The following PCDH15 variants were observed in gnomAD, a reference collection of about 807,000 sequenced individuals.
PCDH15 encodes protocadherin related 15.
A neutral mutation model predicts 178.5 loss-of-function variants in PCDH15; 129 were observed. That is an observed-to-expected ratio of 0.72 (90% CI 0.63 to 0.84). PCDH15 has a LOEUF of 0.84. Among genes scored for constraint, PCDH15 ranks in the 40% least tolerant of loss-of-function variants. The pLI is 0.00. For synonymous variants in PCDH15, 800 were observed against 732.0 expected (o/e 1.09, Z -1.50); for missense variants, 2,230 against 2,099.9 (o/e 1.06, Z -1.21).
chr10:54,238,947 G>A (rs1225126686), intron 8 of PCDH15, among the ~76,000 whole-genome samples: 2 of 151,984 alleles, frequency 1.3e-5, no homozygotes, highest in African/African-American at 4.8e-5. Flanking sequence ...TTCCAAAACC[G>A]AGGCTCTATT....
chr10:54,386,513 C>T (rs778036755), intron 3 of PCDH15, among the ~76,000 whole-genome samples: 1 of 151,968 alleles, frequency 6.6e-6, no homozygotes, highest in Non-Finnish European at 1.5e-5. Context: ...AAATATTAAT[C>T]AGAGAACCAC....
intron 2 of PCDH15, among the ~76,000 whole-genome samples, chr10:55,418,886 G>A (rs550558497): frequency 2.0e-5 from 3 of 151,786 alleles, no homozygotes; most frequent in African/African-American, 7.2e-5. Flanking sequence ...ATAAAGTTTA[G>A]CCCTGTAGAT....
intron 2 of PCDH15, among the ~76,000 whole-genome samples, chr10:54,930,712 A>G (rs1299652210): frequency 6.6e-6 from 1 of 152,174 alleles, no homozygotes; most frequent in African/African-American, 2.4e-5. Flanking sequence ...TATTAACATG[A>G]TACTAACTTT....
In PCDH15 at chr10:53,823,747, C is replaced by T. The variant is rs189393618; in HGVS notation, c.4368-3517G>A. On this transcript the variant is annotated intron_variant, in intron 32 of 37. Transcript: ENST00000644397. ...AACACCATCCTTGCCTGAGGATGCTCAGGGCTGCCTGTTACGCATAGAAGA... is the reference window on the plus strand; with the variant it reads ...AACACCATCCTTGCCTGAGGATGCTTAGGGCTGCCTGTTACGCATAGAAGA... 1.7e-4 allele frequency: 77 copies of T among 445,446 alleles called. No individual in the cohort carries two copies. In the African/African-American group the frequency reaches 1.8e-3, roughly 11 times the overall value. 27.6% of individuals were successfully genotyped at this position (445,446 alleles called of 1,614,324 possible).
chr10:54,443,266 TA>T (rs1169575265), intron 3 of PCDH15, among the ~76,000 whole-genome samples: 1 of 151,608 alleles, frequency 6.6e-6, no homozygotes, highest in Non-Finnish European at 1.5e-5. Flanking sequence ...TTACATGAAA[TA>T]CATAGATTGG....
intron 2 of PCDH15, among the ~76,000 whole-genome samples, chr10:55,580,360 A>T (rs1213125892): frequency 2.4e-3 from 314 of 131,552 alleles, no homozygotes; most frequent in Non-Finnish European, 3.6e-3. Context: ...TTATTTTTTT[A>T]TTTTTTTTTT....
At chr10:54,927,753 G>T (rs77206234) in intron 2 of PCDH15, among the ~76,000 whole-genome samples, 4,013 of 152,006 alleles carry the variant, frequency 0.026, 171 homozygotes, top group African/African-American at 0.089. Flanking sequence ...ATTTAGGATT[G>T]AAACCTTATC....
chr10:54,353,651 GTTTT>G (rs35280504), intron 5 of PCDH15, among the ~76,000 whole-genome samples: 1 of 151,264 alleles, frequency 6.6e-6, no homozygotes, highest in Non-Finnish European at 1.5e-5. Flanking sequence ...TCAACTTAAT[GTTTT>G]TTTTGTTTGT....
intron 16 of PCDH15, among the ~76,000 whole-genome samples, chr10:54,089,443 G>A (rs1271971856): frequency 6.6e-6 from 1 of 152,150 alleles, no homozygotes; most frequent in African/African-American, 2.4e-5. Flanking sequence ...TTTAATGCCT[G>A]CTCCCAGTTT....
chr10:55,593,114 T>C (rs1222563809), intron 2 of PCDH15, among the ~76,000 whole-genome samples: 1 of 151,906 alleles, frequency 6.6e-6, no homozygotes, highest in Non-Finnish European at 1.5e-5. Context: ...AGTTATGGAA[T>C]ACTAACAAAT....
At chr10:55,034,159 A>C (rs548136470) in intron 2 of PCDH15, among the ~76,000 whole-genome samples, 1 of 152,302 alleles carries the variant, frequency 6.6e-6, no homozygotes, top group South Asian at 2.1e-4. Context: ...GACTCAGAAA[A>C]ATAGAGTTCA....
intron 28 of PCDH15, among the ~76,000 whole-genome samples, chr10:53,853,791 G>A (rs932691705): frequency 4.6e-5 from 7 of 151,952 alleles, no homozygotes; most frequent in Non-Finnish European, 7.4e-5. Context: ...GTGTTGATAG[G>A]AGGTTGAGAA....
intron 2 of PCDH15, among the ~76,000 whole-genome samples, chr10:54,596,564 C>T (rs183937124): frequency 6.6e-6 from 1 of 151,976 alleles, no homozygotes; most frequent in Non-Finnish European, 1.5e-5. Flanking sequence ...CATAATAAGT[C>T]GACAGCAACA....
At chr10:54,032,385 G>A (rs1234933427) in intron 18 of PCDH15, among the ~76,000 whole-genome samples, 1 of 151,602 alleles carries the variant, frequency 6.6e-6, no homozygotes, top group Non-Finnish European at 1.5e-5. Context: ...GAATTCATAA[G>A]GACAGGATGG....
intron 2 of PCDH15, among the ~76,000 whole-genome samples, chr10:55,428,934 T>A (rs954088768): frequency 3.9e-5 from 6 of 152,002 alleles, no homozygotes; most frequent in African/African-American, 1.2e-4. Flanking sequence ...ATTACCTACC[T>A]CAGTTTAAAT....
intron 4 of PCDH15, among the ~76,000 whole-genome samples, chr10:54,376,083 C>T (rs1188726453): frequency 6.6e-5 from 10 of 150,920 alleles, no homozygotes; most frequent in East Asian, 3.9e-4. Context: ...TTAGTACAGA[C>T]GGGTTTTCAC....
chr10:54,357,135 A>C (rs961564370), intron 5 of PCDH15, among the ~76,000 whole-genome samples: 68 of 152,114 alleles, frequency 4.5e-4, no homozygotes, highest in Non-Finnish European at 8.5e-4. Context: ...ACTCCTATTC[A>C]ACATAGTGTT....
chr10:55,288,867 T>TTATATATATATATATATATA (rs1457612160), intron 1 of PCDH15, among the ~76,000 whole-genome samples: 3 of 149,058 alleles, frequency 2.0e-5, no homozygotes, highest in African/African-American at 7.6e-5. Context: ...TTCAATTCTA[T>TTATATATATATATATATATA]TAGATATATA....
intron 1 of PCDH15, among the ~76,000 whole-genome samples, chr10:54,684,378 G>T (rs1053840513): frequency 6.6e-6 from 1 of 151,834 alleles, no homozygotes; most frequent in Admixed American, 6.6e-5. Context: ...ATGTCAAGGA[G>T]CTAAGGAAAT....
Sources: gnomAD v4.1 joint callset for allele counts (sites outside exome capture counted in the v4.1 genomes callset) on GRCh38, gnomAD v4.1.1 for gene constraint, MANE v1.5 for transcripts, NCBI Gene and HGNC (gene_info 2026-07-23, HGNC 2026-07-21) for gene names.